ZNF609: variants seen among roughly 807,000 people sequenced by gnomAD.
ZNF609 encodes the protein zinc finger protein 609.
A neutral mutation model predicts 109.5 loss-of-function variants in ZNF609; 11 were observed. The ratio of observed to expected loss-of-function variants is 0.10; its 90% CI spans 0.06 to 0.17. The LOEUF (loss-of-function observed/expected upper bound fraction) is 0.17, where lower values mean the gene tolerates loss of function less well. Ranked by LOEUF, ZNF609 falls within the 10% of genes least tolerant of loss-of-function variation. The pLI is 1.00. For synonymous variants in ZNF609, 646 were observed against 662.0 expected (o/e 0.98, Z 0.37); for missense variants, 1,559 against 1,772.4 (o/e 0.88, Z 2.16).
chr15:64,467,900 GCTT>G (rs1191665298), intron 1 of ZNF609, among the ~76,000 whole-genome samples: 1 of 151,940 alleles, frequency 6.6e-6, no homozygotes, highest in East Asian at 1.9e-4. Context: ...AACAAATGTT[GCTT>G]CTTCTGTTCT....
At chr15:64,481,190 GA>G (rs1289016808) in intron 1 of ZNF609, among the ~76,000 whole-genome samples, 2 of 152,144 alleles carry the variant, frequency 1.3e-5, no homozygotes, top group East Asian at 3.9e-4. Flanking sequence ...GAAATTTAAA[GA>G]CTTAAAAATC....
intron 2 of ZNF609, among the ~76,000 whole-genome samples, chr15:64,515,126 T>A (rs1893787649): frequency 6.6e-6 from 1 of 152,234 alleles, no homozygotes; most frequent in African/African-American, 2.4e-5. Flanking sequence ...TTTCATATGT[T>A]CTACCTGGGA....
intron 1 of ZNF609, among the ~76,000 whole-genome samples, chr15:64,463,200 G>C (rs1470896007): frequency 6.6e-6 from 1 of 152,158 alleles, no homozygotes; most frequent in Non-Finnish European, 1.5e-5. Context: ...TTCGAGACCA[G>C]CTTGGGCAAC....
intron 3 of ZNF609, chr15:64,631,621 C>T (rs1896080632): frequency 3.8e-5 from 14 of 365,510 alleles, no homozygotes; most frequent in Non-Finnish European, 6.1e-5. Context: ...CAATCTCCGC[C>T]TCCTGGGTTC....
At chr15:64,476,632 C>T (rs747673716) in intron 1 of ZNF609, among the ~76,000 whole-genome samples, 3 of 152,184 alleles carry the variant, frequency 2.0e-5, no homozygotes, top group Non-Finnish European at 2.9e-5. Flanking sequence ...TCCTTATGTT[C>T]TTTTCTCCTG....
intron 2 of ZNF609, among the ~76,000 whole-genome samples, chr15:64,552,193 C>T (rs182450150): frequency 6.6e-6 from 1 of 152,194 alleles, no homozygotes; most frequent in African/African-American, 2.4e-5. Context: ...TTTATCATTG[C>T]TTTCGTTAAT....
At chr15:64,634,342 T>A (rs1896136144) in intron 3 of ZNF609, among the ~76,000 whole-genome samples, 1 of 152,150 alleles carries the variant, frequency 6.6e-6, no homozygotes, top group Non-Finnish European at 1.5e-5. Context: ...AGTCTGCCTG[T>A]GGTAGCTCCG....
intron 3 of ZNF609, among the ~76,000 whole-genome samples, chr15:64,627,923 G>A (rs1187972051): frequency 1.3e-5 from 2 of 149,850 alleles, no homozygotes; most frequent in African/African-American, 2.4e-5. Flanking sequence ...GCCTCCCAAA[G>A]TGCTGGGATT....
At chr15:64,666,264 C>T (rs1896647201) in intron 3 of ZNF609, among the ~76,000 whole-genome samples, 1 of 149,950 alleles carries the variant, frequency 6.7e-6, no homozygotes, top group Admixed American at 6.7e-5. Context: ...CATGGTGGCA[C>T]ACGCCTGTAA....
At chr15:64,582,771 A>G (rs1299361664) in intron 2 of ZNF609, among the ~76,000 whole-genome samples, 1 of 4,152 alleles carries the variant, frequency 2.4e-4, no homozygotes, top group African/African-American at 4.8e-4. Flanking sequence ...TTTTTTTTTG[A>G]GACAGAGTCT....
chr15:64,652,799 G>T (rs1657848782), intron 3 of ZNF609: 1 of 152,408 alleles, frequency 6.6e-6, no homozygotes. Flanking sequence ...TCCCTAAGTA[G>T]TTGGGACTAC....
chr15:64,540,428 G>A (rs561184053), intron 2 of ZNF609, among the ~76,000 whole-genome samples: 2 of 151,812 alleles, frequency 1.3e-5, no homozygotes, highest in South Asian at 4.2e-4. Context: ...TGTTTGGTAC[G>A]GAGTCTCACT....
rs909383526 is a variant in ZNF609 at position 64,611,441 on chromosome 15, G to A, written c.748-11386G>A. On this transcript the variant is annotated intron_variant, in intron 2 of 9. Transcript: ENST00000326648. The stretch of plus-strand genomic sequence containing the variant: ...TGCCATGTGATTTGTGTTGCACACT[G>A]ATTTTGCTTATGAGATTTTTTCCTT... Among the ~76,000 whole-genome samples the A allele has an allele frequency of 2.0e-5, 3 of 152,312 alleles. No individual in the cohort carries two copies. In the East Asian group the frequency reaches 5.8e-4, roughly 29 times the overall value.
chr15:64,550,444 A>G (rs1456322756), intron 2 of ZNF609, among the ~76,000 whole-genome samples: 1 of 152,176 alleles, frequency 6.6e-6, no homozygotes, highest in Non-Finnish European at 1.5e-5. Flanking sequence ...CTCTAATCCC[A>G]GCACTCTGGG....
At chr15:64,632,938 A>C (rs1896107728) in intron 3 of ZNF609, among the ~76,000 whole-genome samples, 2 of 150,562 alleles carry the variant, frequency 1.3e-5, no homozygotes, top group Non-Finnish European at 3.0e-5. Context: ...ATGCCCAACT[A>C]ATTTTTTTTG....
At chr15:64,645,366 C>T (rs529716281) in intron 3 of ZNF609, among the ~76,000 whole-genome samples, 4 of 152,118 alleles carry the variant, frequency 2.6e-5, no homozygotes, top group African/African-American at 7.2e-5. Flanking sequence ...GCTGGGATTA[C>T]AGGCATGAGC....
At chr15:64,562,919 G>A (rs983711581) in intron 2 of ZNF609, among the ~76,000 whole-genome samples, 1 of 151,084 alleles carries the variant, frequency 6.6e-6, no homozygotes, top group African/African-American at 2.4e-5. Context: ...GTCTAGGAGA[G>A]GGGGAGAGCA....
chr15:64,680,589 G>GT, intron 7 of ZNF609, 57 bp from the exon 8 acceptor site: 16 of 1,365,212 alleles, frequency 1.2e-5, no homozygotes, highest in Middle Eastern at 2.2e-4. Context: ...GTGTGTGTGT[G>GT]GTTGTATGCA....
chr15:64,677,264 T>C (rs1411589267), intron 5 of ZNF609, among the ~76,000 whole-genome samples: 1 of 152,022 alleles, frequency 6.6e-6, no homozygotes, highest in Non-Finnish European at 1.5e-5. Context: ...GGTCTCACTA[T>C]GTTGCCCAGG....
Sources: gnomAD v4.1 joint callset for allele counts (sites outside exome capture counted in the v4.1 genomes callset) on GRCh38, gnomAD v4.1.1 for gene constraint, MANE v1.5 for transcripts, NCBI Gene and HGNC (gene_info 2026-07-23, HGNC 2026-07-21) for gene names.